The following EXT1 variants were observed in gnomAD, a reference collection of about 807,000 sequenced individuals.
The protein encoded by EXT1 is exostosin-1.
Under a neutral mutation model 82.5 loss-of-function variants are expected in EXT1, and 20 were observed. That is an observed-to-expected ratio of 0.24 (90% CI 0.17 to 0.35). The LOEUF (loss-of-function observed/expected upper bound fraction) is 0.35. Ranked by LOEUF, EXT1 falls within the 10% of genes least tolerant of loss-of-function variation. The pLI is 1.00. For missense variants in EXT1, 757 were observed against 936.5 expected, an observed-to-expected ratio of 0.81 and a Z score of 2.50; for synonymous variants, 348 against 350.8, an observed-to-expected ratio of 0.99 and a Z score of 0.09.
At chr8:118,003,109 G>A (rs1815705992) in intron 1 of EXT1, among the ~76,000 whole-genome samples, 1 of 152,082 alleles carries the variant, frequency 6.6e-6, no homozygotes, top group Admixed American at 6.6e-5. Flanking sequence ...AAGGAACCTG[G>A]ATGAAATTGG....
intron 1 of EXT1, among the ~76,000 whole-genome samples, chr8:118,088,578 C>T (rs903318409): frequency 2.6e-5 from 4 of 151,490 alleles, no homozygotes; most frequent in Non-Finnish European, 4.4e-5. Flanking sequence ...TTCTTCCTGA[C>T]CCCAAAAAAA....
At chr8:117,952,597 AC>A (rs1345282031) in intron 1 of EXT1, among the ~76,000 whole-genome samples, 4 of 152,184 alleles carry the variant, frequency 2.6e-5, no homozygotes, top group African/African-American at 9.7e-5. Context: ...TCCCGTCTCT[AC>A]TAAAAACACA....
chr8:117,992,690 C>T (rs549849292), intron 1 of EXT1, among the ~76,000 whole-genome samples: 2 of 152,206 alleles, frequency 1.3e-5, no homozygotes, highest in East Asian at 1.9e-4. Context: ...CTTGGTCTCC[C>T]GACAAGACAA....
intron 6 of EXT1, 92 bp downstream of exon 6, chr8:117,819,584 C>A (rs2129740258): frequency 2.1e-6 from 2 of 935,980 alleles, no homozygotes; most frequent in East Asian, 3.1e-5. Context: ...CCCGGGGAGC[C>A]TGGGGAGCCC....
chr8:118,086,873 GTT>G (rs1458629039), intron 1 of EXT1, among the ~76,000 whole-genome samples: 1 of 152,136 alleles, frequency 6.6e-6, no homozygotes, highest in East Asian at 1.9e-4. Flanking sequence ...TTAATTTTGT[GTT>G]AGACTAGGTT....
chr8:117,814,836 T>C (rs1234986990), intron 7 of EXT1, among the ~76,000 whole-genome samples: 2 of 152,056 alleles, frequency 1.3e-5, no homozygotes, highest in Non-Finnish European at 2.9e-5. Context: ...CAAATCTGAG[T>C]ACCCCTAGGA....
intron 1 of EXT1, among the ~76,000 whole-genome samples, chr8:117,856,898 G>A (rs1812572172): frequency 6.6e-6 from 1 of 152,160 alleles, no homozygotes; most frequent in Admixed American, 6.5e-5. Context: ...CTTTTAAGAG[G>A]CTAATGCAGC....
chr8:117,869,052 CTG>C (rs1293743955), intron 1 of EXT1, among the ~76,000 whole-genome samples: 1 of 152,178 alleles, frequency 6.6e-6, no homozygotes, highest in African/African-American at 2.4e-5. Context: ...ATGTTCCCTG[CTG>C]TGTGTGTTCT....
chr8:118,073,156 A>T (rs1691814291), intron 1 of EXT1, among the ~76,000 whole-genome samples: 1 of 152,262 alleles, frequency 6.6e-6, no homozygotes, highest in African/African-American at 2.4e-5. Flanking sequence ...ATATTCACTT[A>T]GTAGCCCATC....
intron 1 of EXT1, among the ~76,000 whole-genome samples, chr8:117,985,932 C>T (rs1342461273): frequency 3.3e-5 from 5 of 152,172 alleles, no homozygotes; most frequent in African/African-American, 1.2e-4. Context: ...CACTGTTCTT[C>T]AACTTCAATA....
At chr8:117,837,307 G>A in intron 1 of EXT1, 106 bp from the exon 2 acceptor site, 3 of 889,356 alleles carry the variant, frequency 3.4e-6, no homozygotes, top group South Asian at 1.3e-5. Flanking sequence ...AAGCAACTCG[G>A]GAAAGCCACC....
At chr8:117,991,241 G>C (rs1336036127) in intron 1 of EXT1, among the ~76,000 whole-genome samples, 2 of 151,934 alleles carry the variant, frequency 1.3e-5, no homozygotes, top group African/African-American at 4.8e-5. Context: ...CTCCCAAGTA[G>C]CTGGGACTAC....
Position 118,037,046 on chromosome 8 carries a change from T to C in EXT1, c.962+73039A>G, listed in dbSNP as rs13253417. On this transcript the variant is annotated intron_variant, in intron 1 of 10. Coordinates refer to ENST00000378204, the MANE Select transcript of EXT1 (RefSeq NM_000127.3). The stretch of plus-strand genomic sequence containing the variant: ...TTATCCAGGTATACTCAAGCAAGAG[T>C]AAGAAACACTGGCCTCAAAAACACT... 8.5e-5 allele frequency among the ~76,000 whole-genome samples: 13 copies of C among 152,172 alleles called. No homozygotes were observed. The South Asian group carries it at 2.3e-3, about 27-fold the overall frequency.
At chr8:117,846,752 G>A (rs1040886878) in intron 1 of EXT1, among the ~76,000 whole-genome samples, 3 of 152,144 alleles carry the variant, frequency 2.0e-5, no homozygotes, top group Non-Finnish European at 4.4e-5. Flanking sequence ...ATGGAGCCAG[G>A]AAGTATGGAC....
At chr8:117,994,049 A>G (rs999474502) in intron 1 of EXT1, among the ~76,000 whole-genome samples, 1 of 152,242 alleles carries the variant, frequency 6.6e-6, no homozygotes. Flanking sequence ...TACCATCTCT[A>G]AAAGCGGATG....
At chr8:118,045,616 C>A (rs1469254687) in intron 1 of EXT1, among the ~76,000 whole-genome samples, 1 of 152,086 alleles carries the variant, frequency 6.6e-6, no homozygotes, top group African/African-American at 2.4e-5. Flanking sequence ...TCTTCTATGT[C>A]ATCCATCGTG....
chr8:118,045,634 C>T (rs907926924), intron 1 of EXT1, among the ~76,000 whole-genome samples: 6 of 152,060 alleles, frequency 3.9e-5, no homozygotes, highest in African/African-American at 1.2e-4. Flanking sequence ...GTGAATGTTA[C>T]CACCAAGACT....
rs570661480 is a variant in EXT1, at chr8:117,797,703, G to GT, written c.*2008dup. 2.0e-5 allele frequency: 3 copies of GT among 152,324 alleles called. No homozygotes were observed. In the South Asian group the frequency reaches 6.2e-4, roughly 32 times the overall value. 9.4% of individuals were successfully genotyped at this position (152,324 alleles called of 1,614,324 possible). A position where few individuals can be genotyped will look rare whatever the true frequency, so the allele number is the denominator to read the frequency against. On this transcript the variant is annotated 3_prime_UTR_variant, in exon 11 of 11. Transcript: ENST00000378204. The stretch of plus-strand genomic sequence containing the variant: ...GTGCAGCTTAAATGACATGAAACCT[G>GT]TAAGACCAAACATTTTATAGAAAAG...
At chr8:118,048,641 A>AAC (rs1816662139) in intron 1 of EXT1, among the ~76,000 whole-genome samples, 1 of 152,218 alleles carries the variant, frequency 6.6e-6, no homozygotes, top group Admixed American at 6.5e-5. Flanking sequence ...CCCTGGAGAA[A>AAC]TGTTAAGTTT....
Sources: gnomAD v4.1 joint callset for allele counts (sites outside exome capture counted in the v4.1 genomes callset) on GRCh38, gnomAD v4.1.1 for gene constraint, MANE v1.5 for transcripts, NCBI Gene and HGNC (gene_info 2026-07-23, HGNC 2026-07-21) for gene names.